DPP6: variants seen among roughly 807,000 people sequenced by gnomAD.
The protein encoded by DPP6 is dipeptidyl peptidase like 6.
A neutral mutation model predicts 122.6 loss-of-function variants in DPP6; 69 were observed. The ratio of observed to expected loss-of-function variants is 0.56; its 90% CI spans 0.46 to 0.69. DPP6 has a LOEUF of 0.69. Among genes scored for constraint, DPP6 ranks in the 30% least tolerant of loss-of-function variants. The probability of loss-of-function intolerance (pLI) is 0.00; values close to 1 mark genes in which losing one functional copy is unlikely to be tolerated. For synonymous variants in DPP6, 418 were observed against 433.1 expected (o/e 0.97, Z 0.43); for missense variants, 928 against 1,116.9 (o/e 0.83, Z 2.41).
At chr7:154,255,293 G>T (rs1367669951) in intron 1 of DPP6, among the ~76,000 whole-genome samples, 1 of 152,176 alleles carries the variant, frequency 6.6e-6, no homozygotes, top group African/African-American at 2.4e-5. Context: ...CTTTCCTAGG[G>T]GCAGTGTGAA....
the DPP6 span, among the ~76,000 whole-genome samples, chr7:153,777,247 A>G: frequency 1.2e-4 from 18 of 152,334 alleles, no homozygotes; most frequent in African/African-American, 3.6e-4. Flanking sequence ...TGACCACACA[A>G]AGTTCAAGCA....
At chr7:154,873,407 C>A (rs560288232) in intron 19 of DPP6, among the ~76,000 whole-genome samples, 5 of 152,272 alleles carry the variant, frequency 3.3e-5, no homozygotes, top group African/African-American at 1.2e-4. Flanking sequence ...TCTGTACTTT[C>A]AAGACCACGG....
At chr7:153,837,753 T>C in the DPP6 span, among the ~76,000 whole-genome samples, 1 of 151,582 alleles carries the variant, frequency 6.6e-6, no homozygotes, top group Admixed American at 6.6e-5. Context: ...AGTGGCAAGA[T>C]CTGCAACCTC....
At chr7:154,379,517 A>T (rs1014298999) in intron 1 of DPP6, among the ~76,000 whole-genome samples, 2 of 152,116 alleles carry the variant, frequency 1.3e-5, no homozygotes, top group Admixed American at 6.5e-5. Context: ...ATAATTTTTT[A>T]AAAAAAGAAT....
intron 1 of DPP6, among the ~76,000 whole-genome samples, chr7:154,278,720 C>A (rs1233283468): frequency 6.6e-6 from 1 of 152,140 alleles, no homozygotes; most frequent in African/African-American, 2.4e-5. Context: ...AATGTATTAA[C>A]CACATTGTTT....
chr7:154,414,740 G>A (rs2151213793), intron 1 of DPP6, among the ~76,000 whole-genome samples: 1 of 152,326 alleles, frequency 6.6e-6, no homozygotes, highest in East Asian at 1.9e-4. Flanking sequence ...GGATAGGGCT[G>A]GAGGAGCCTC....
chr7:154,168,192 C>G (rs1797350063), intron 1 of DPP6, among the ~76,000 whole-genome samples: 1 of 152,162 alleles, frequency 6.6e-6, no homozygotes, highest in Non-Finnish European at 1.5e-5. Context: ...TGTCTGAAGA[C>G]CATGACACCT....
intron 3 of DPP6, among the ~76,000 whole-genome samples, chr7:154,527,800 T>C (rs1827523840): frequency 6.6e-6 from 1 of 152,166 alleles, no homozygotes; most frequent in Admixed American, 6.5e-5. Context: ...TACCATAAGA[T>C]GCCATAACAT....
rs971398678 is a variant in DPP6, at chr7:154,226,422, A to T, written c.243+173359A>T. 2.0e-5 allele frequency among the ~76,000 whole-genome samples: 3 copies of T among 152,240 alleles called. No individual in the cohort carries two copies. The East Asian group carries it at 5.8e-4, about 29-fold the overall frequency. ...GAGAAAGGAAGGAACCCTTCAGCTCACAGAATGTGAAAGGCATCAGTAAAT... is the reference window on the plus strand; with the variant it reads ...GAGAAAGGAAGGAACCCTTCAGCTCTCAGAATGTGAAAGGCATCAGTAAAT... On this transcript the variant is annotated intron_variant, in intron 1 of 25. Coordinates refer to ENST00000377770, the MANE Select transcript of DPP6 (RefSeq NM_130797.4).
At chr7:154,611,326 C>T (rs953835927) in intron 5 of DPP6, among the ~76,000 whole-genome samples, 23 of 152,102 alleles carry the variant, frequency 1.5e-4, no homozygotes, top group African/African-American at 4.1e-4. Context: ...GAAATGGATA[C>T]GGGCAGAGTG....
chr7:153,793,487 C>T, the DPP6 span, among the ~76,000 whole-genome samples: 1 of 148,106 alleles, frequency 6.8e-6, no homozygotes. Flanking sequence ...CAAGAGGTAA[C>T]TTGGGTGCTG....
intron 1 of DPP6, among the ~76,000 whole-genome samples, chr7:154,082,029 T>C (rs1227793026): frequency 2.0e-5 from 3 of 152,150 alleles, no homozygotes; most frequent in Non-Finnish European, 2.9e-5. Context: ...TGCCTTGGAC[T>C]GTGTGGTCTG....
intron 1 of DPP6, among the ~76,000 whole-genome samples, chr7:154,360,116 A>G (rs1811608103): frequency 1.3e-5 from 2 of 152,230 alleles, no homozygotes; most frequent in African/African-American, 4.8e-5. Flanking sequence ...TTCTTTAAGA[A>G]TTGAAGCTGG....
intron 7 of DPP6, among the ~76,000 whole-genome samples, chr7:154,697,125 T>C (rs1840263054): frequency 6.6e-6 from 1 of 152,180 alleles, no homozygotes; most frequent in Non-Finnish European, 1.5e-5. Flanking sequence ...TCCCAGGTGC[T>C]GTTTGTAGGT....
chr7:154,397,514 T>C (rs1815193933), intron 1 of DPP6, among the ~76,000 whole-genome samples: 1 of 152,250 alleles, frequency 6.6e-6, no homozygotes, highest in South Asian at 2.1e-4. Context: ...CCTGCACTAT[T>C]GAATAAAATA....
chr7:154,148,026 G>C (rs1474293370), intron 1 of DPP6, among the ~76,000 whole-genome samples: 1 of 150,410 alleles, frequency 6.6e-6, no homozygotes, highest in Non-Finnish European at 1.5e-5. Flanking sequence ...TCACGTCCGA[G>C]ACCAGCACTC....
chr7:154,803,445 T>G (rs1009030391), intron 13 of DPP6, among the ~76,000 whole-genome samples: 5 of 152,166 alleles, frequency 3.3e-5, no homozygotes, highest in Non-Finnish European at 7.3e-5. Flanking sequence ...TCTTCTCTCT[T>G]TTTCCCTCCA....
At chr7:154,456,459 T>C (rs1820834316) in intron 2 of DPP6, among the ~76,000 whole-genome samples, 1 of 152,148 alleles carries the variant, frequency 6.6e-6, no homozygotes, top group Non-Finnish European at 1.5e-5. Context: ...TCTTTTTCAT[T>C]CAGTAAATGT....
intron 1 of DPP6, among the ~76,000 whole-genome samples, chr7:153,964,844 CCTTTT>C: frequency 8.0e-6 from 1 of 125,282 alleles, no homozygotes; most frequent in African/African-American, 4.2e-5. Flanking sequence ...TTTTCCTTTT[CCTTTT>C]CCTTTTCCCT....
Sources: allele counts gnomAD v4.1 joint callset (sites outside exome capture counted in the v4.1 genomes callset), GRCh38; gene constraint gnomAD v4.1.1; transcripts MANE v1.5; gene names NCBI Gene and HGNC (gene_info 2026-07-23, HGNC 2026-07-21).